Variants in ATP5MK observed in about 807,000 individuals in gnomAD.
ATP5MK encodes the protein ATP synthase membrane subunit k, also known as ATP synthase F(0) complex subunit k, mitochondrial.
ATP5MK carries 5 observed loss-of-function variants against 6.6 expected under a neutral mutation model. The observed-to-expected ratio is 0.76, with a 90% CI of 0.40 to 1.60. The LOEUF (loss-of-function observed/expected upper bound fraction) is 1.60. Ranked by LOEUF, ATP5MK falls within the 40% of genes most tolerant of loss-of-function variation. The probability of loss-of-function intolerance (pLI) is 0.02; values close to 1 mark genes in which losing one functional copy is unlikely to be tolerated. For missense variants in ATP5MK, 57 were observed against 66.6 expected, an observed-to-expected ratio of 0.86 and a Z score of 0.50; for synonymous variants, 30 against 24.5, an observed-to-expected ratio of 1.22 and a Z score of -0.66.
rs754671082 is a variant in ATP5MK at position 103,392,484 on chromosome 10, A to C, written c.-9-18T>G. The C allele has an allele frequency of 2.2e-5, 34 of 1,549,120 alleles. No homozygotes were observed. Among genetic ancestry groups the C allele is most frequent in the East Asian group, 9.0e-5 (4 of 44,408 alleles). On this transcript the variant is annotated intron_variant, in intron 2 of 4. Coordinates refer to ENST00000369815, the MANE Select transcript of ATP5MK (RefSeq NM_001206427.2). The stretch of plus-strand genomic sequence containing the variant: ...ATTTCAATCTTTTAAAAAAAGAAAG[A>C]AAGCAACATTAAATTGGTTTGGATG...
intron 2 of ATP5MK, among the ~76,000 whole-genome samples, chr10:103,393,900 G>A (rs1225424559): frequency 6.6e-6 from 1 of 152,110 alleles, no homozygotes; most frequent in Non-Finnish European, 1.5e-5. Context: ...CCCAAGTAAC[G>A]TTCAATTTTG....
At chr10:103,390,452 C>T (rs2093411036) in intron 4 of ATP5MK, among the ~76,000 whole-genome samples, 1 of 151,846 alleles carries the variant, frequency 6.6e-6, no homozygotes, top group African/African-American at 2.4e-5. Context: ...TGAGATCGCA[C>T]CACTTCACTC....
intron 4 of ATP5MK, 139 bp downstream of exon 4, chr10:103,392,052 T>C (rs1303173060): frequency 2.8e-6 from 2 of 705,806 alleles, no homozygotes; most frequent in Non-Finnish European, 4.7e-6. Flanking sequence ...TGAGCCACTA[T>C]ACTAGGCCTC....
rs749361863 is a variant in ATP5MK, at chr10:103,394,179, G to A, written c.-10+1567C>T. On this transcript the variant is annotated intron_variant, in intron 2 of 4. Coordinates refer to ENST00000369815, the MANE Select transcript of ATP5MK (RefSeq NM_001206427.2). ...AAACTCTGGAAGAATATATAGCAAA[G>A]GCAGCTTAATCTATAGTACCTGTGT... is the stretch of plus-strand genomic sequence containing the variant. The A allele has an allele frequency of 2.7e-5, 11 of 411,736 alleles. 1 individual carries two copies. Among genetic ancestry groups the A allele is most frequent in the East Asian group, 1.3e-4 (2 of 15,518 alleles). 25.5% of individuals were successfully genotyped at this position (411,736 alleles called of 1,614,324 possible).
intron 2 of ATP5MK, among the ~76,000 whole-genome samples, chr10:103,394,680 G>A (rs547528706): frequency 2.0e-5 from 3 of 152,052 alleles, no homozygotes; most frequent in South Asian, 2.1e-4. Context: ...AGCGATAAAA[G>A]CAACTTTATA....
At chr10:103,391,452 C>T (rs949975363) in intron 4 of ATP5MK, among the ~76,000 whole-genome samples, 1 of 151,992 alleles carries the variant, frequency 6.6e-6, no homozygotes, top group African/African-American at 2.4e-5. Context: ...TCACTGGAAA[C>T]CAAACAAAAT....
At chr10:103,392,779 A>T (rs1376537162) in intron 2 of ATP5MK, among the ~76,000 whole-genome samples, 1 of 152,202 alleles carries the variant, frequency 6.6e-6, no homozygotes, top group Non-Finnish European at 1.5e-5. Flanking sequence ...TCCTGGCTCC[A>T]TCACACCACA....
At chr10:103,389,708 G>GT (rs1773253171) in intron 4 of ATP5MK, among the ~76,000 whole-genome samples, 1 of 151,962 alleles carries the variant, frequency 6.6e-6, no homozygotes, top group Admixed American at 6.6e-5. Flanking sequence ...TATACTATTG[G>GT]AAAAGTCTAG....
intron 3 of ATP5MK, 33 bp from the exon 4 acceptor site, chr10:103,392,316 G>T: frequency 6.3e-7 from 1 of 1,597,982 alleles, no homozygotes; most frequent in Non-Finnish European, 8.5e-7. Context: ...AACAAGACTT[G>T]TTGTTCCATC....
At chr10:103,389,338 T>C (rs895578910) in intron 4 of ATP5MK, among the ~76,000 whole-genome samples, 172 bp from the exon 5 acceptor site, 5 of 152,236 alleles carry the variant, frequency 3.3e-5, no homozygotes, top group Admixed American at 3.3e-4. Flanking sequence ...CTTTTTTTTT[T>C]TTGAGACAGA....
In ATP5MK at chr10:103,392,250, T is replaced by A. The variant is rs769381145; in HGVS notation, c.121A>T (p.Ile41Phe). 1 of 1,613,500 alleles carries A rather than the reference T, an allele frequency of 6.2e-7. No individual in the cohort carries two copies. The highest frequency in any genetic ancestry group is 1.7e-5 in the Admixed American group (1 of 59,932). ...GACCTTAACTTGAAATATAAGACAA[T>A]CAATGCAATGCTTCCATATGTGGCC... is the stretch of plus-strand genomic sequence containing the variant. ...VLATYGSIAL[I>F]VLYFKLRSKK... is the part of the protein sequence containing the mutation. Residue 41 changes from isoleucine (I) to phenylalanine (F), a missense_variant, in exon 4 of 5, where the codon ATT becomes TTT. Physicochemically the swap from Ile to Phe is conservative, Grantham distance 21. Coordinates refer to ENST00000369815, the MANE Select transcript of ATP5MK (RefSeq NM_001206427.2).
intron 4 of ATP5MK, among the ~76,000 whole-genome samples, chr10:103,391,439 T>C (rs1384830897): frequency 1.3e-5 from 2 of 152,218 alleles, no homozygotes; most frequent in Non-Finnish European, 2.9e-5. Context: ...GACGTGATCA[T>C]AGTCACTGGA....
chr10:103,390,117 C>G (rs777478024), intron 4 of ATP5MK, among the ~76,000 whole-genome samples: 2 of 152,130 alleles, frequency 1.3e-5, no homozygotes, highest in African/African-American at 4.8e-5. Context: ...ACTACCTGTT[C>G]GTCAGGAATA....
At chr10:103,393,870 GTACT>G (rs2093421978) in intron 2 of ATP5MK, among the ~76,000 whole-genome samples, 1 of 152,180 alleles carries the variant, frequency 6.6e-6, no homozygotes, top group South Asian at 2.1e-4. Flanking sequence ...AGATCTTTGT[GTACT>G]GACATGGGAA....
At position 103,392,190 on chromosome 10, in the gene ATP5MK, C is replaced by A. The variant is rs962593772; in HGVS notation, c.*3+1G>T. ...TAAAGGTTTAAATGTCAACTTCTTACCATTTATGTTGCTTTCACAGCTGGA... is the reference window on the plus strand; with the variant it reads ...TAAAGGTTTAAATGTCAACTTCTTAACATTTATGTTGCTTTCACAGCTGGA... On this transcript the variant is annotated splice_donor_variant, in intron 4 of 4. Transcript: ENST00000369815. LOFTEE classifies it low-confidence loss of function (3UTR_SPLICE). 3 of 1,601,152 alleles carry A rather than the reference C, an allele frequency of 1.9e-6. No homozygotes were observed. In the East Asian group the frequency reaches 6.7e-5, roughly 36 times the overall value.
intron 4 of ATP5MK, among the ~76,000 whole-genome samples, chr10:103,391,060 T>TA (rs1219130590): frequency 6.6e-6 from 1 of 152,120 alleles, no homozygotes; most frequent in Non-Finnish European, 1.5e-5. Context: ...AATTGATAAA[T>TA]AAAAACATGT....
At chr10:103,395,131 T>C (rs1373578084) in intron 2 of ATP5MK, among the ~76,000 whole-genome samples, 1 of 152,128 alleles carries the variant, frequency 6.6e-6, no homozygotes, top group African/African-American at 2.4e-5. Flanking sequence ...AACGGGATTG[T>C]TGCTGGTGAG....
chr10:103,392,313 CTTG>C (rs761610103), intron 3 of ATP5MK, 30 bp from the exon 4 acceptor site: 63 of 1,599,190 alleles, frequency 3.9e-5, no homozygotes, highest in Middle Eastern at 1.7e-4. Flanking sequence ...GTAAACAAGA[CTTG>C]TTGTTCCATC....
intron 4 of ATP5MK, among the ~76,000 whole-genome samples, chr10:103,389,749 G>A (rs1230204282): frequency 1.3e-5 from 2 of 149,360 alleles, no homozygotes; most frequent in African/African-American, 2.5e-5. Flanking sequence ...TTTTTTGTTC[G>A]GAGACACAGT....
Sources: allele counts gnomAD v4.1 joint callset (sites outside exome capture counted in the v4.1 genomes callset), GRCh38; gene constraint gnomAD v4.1.1; transcripts MANE v1.5; gene names NCBI Gene and HGNC (gene_info 2026-07-23, HGNC 2026-07-21).